The following FBXO38 variants were observed in gnomAD, a reference collection of about 807,000 sequenced individuals.
FBXO38 encodes F-box protein 38.
A neutral mutation model predicts 131.9 loss-of-function variants in FBXO38; 53 were observed. That is an observed-to-expected ratio of 0.40 (90% CI 0.32 to 0.51). The LOEUF (loss-of-function observed/expected upper bound fraction) is 0.51. Among genes scored for constraint, FBXO38 ranks in the 20% least tolerant of loss-of-function variants. FBXO38 has a pLI of 0.53. For synonymous variants in FBXO38, 452 were observed against 505.6 expected (o/e 0.89, Z 1.42); for missense variants, 1,076 against 1,475.6 (o/e 0.73, Z 4.44).
intron 12 of FBXO38, among the ~76,000 whole-genome samples, chr5:148,419,212 G>C (rs1400071499): frequency 6.6e-6 from 1 of 152,200 alleles, no homozygotes; most frequent in East Asian, 1.9e-4. Flanking sequence ...TTCAACAAGA[G>C]GAAGCCTAAG....
At chr5:148,435,184 G>C (rs1754273602) in intron 17 of FBXO38, 2 of 152,216 alleles carry the variant, frequency 1.3e-5, no homozygotes, top group African/African-American at 2.4e-5. Flanking sequence ...TTTGCTGGTG[G>C]AGAGTATTGC....
In FBXO38 at chr5:148,414,242, C is replaced by G. The variant is rs756636902; in HGVS notation, c.1200C>G (p.Ser400=). Residue 400 remains serine, a synonymous_variant, in exon 10 of 22, where the codon TCC becomes TCG. Coordinates refer to ENST00000340253, the MANE Select transcript of FBXO38 (RefSeq NM_205836.3). ...TGAAAGCAGTCAATGAAGTTTTTTC[C>G]TGTATCAAATATCTGGCAATTTACA... ...IGMKAVNEVF[S]CIKYLAIYNC... 10 of 1,612,564 alleles carry G rather than the reference C, an allele frequency of 6.2e-6. No homozygotes were observed. In the South Asian group the frequency reaches 1.1e-4, roughly 18 times the overall value.
rs372793702 is a variant in FBXO38 at position 148,394,703 on chromosome 5, T to A, written c.-63-11T>A. 1.9e-5 allele frequency: 26 copies of A among 1,398,158 alleles called. No homozygotes were observed. In the South Asian group the frequency reaches 4.4e-4, roughly 24 times the overall value. 86.6% of individuals were successfully genotyped at this position (1,398,158 alleles called of 1,614,324 possible). A position where few individuals can be genotyped will look rare whatever the true frequency, so the allele number is the denominator to read the frequency against. On this transcript the variant is annotated splice_polypyrimidine_tract_variant and intron_variant, in intron 1 of 21. Coordinates refer to ENST00000340253, the MANE Select transcript of FBXO38 (RefSeq NM_205836.3). ...GTTTTTTTAGTCTACTTCGTTCTGTTTGCTTTTCAGGTACTTTGAACTCAA... is the reference window on the plus strand; with the variant it reads ...GTTTTTTTAGTCTACTTCGTTCTGTATGCTTTTCAGGTACTTTGAACTCAA...
rs1420347326 is a variant in FBXO38 at position 148,427,274 on chromosome 5, G to A, written c.1980G>A (p.Ser660=). The change falls in exon 15 of 22, where the codon TCG becomes TCA. Residue 660 remains serine (S), a synonymous_variant. Coordinates refer to ENST00000340253, the MANE Select transcript of FBXO38 (RefSeq NM_205836.3). ...ACAACTCCCATCAGATGGGCCAGTC[G>A]AAGCAGTTTCCCCTCGAGGAAAGCA... ...KRYNSHQMGQ[S]KQFPLEESSC... is the part of the protein sequence containing the mutation. The A allele has an allele frequency of 1.2e-6, 2 of 1,614,108 alleles. No homozygotes were observed. The highest frequency in any genetic ancestry group is 1.7e-6 in the Non-Finnish European group (2 of 1,180,000).
intron 17 of FBXO38, among the ~76,000 whole-genome samples, chr5:148,435,719 G>A (rs933144242): frequency 1.2e-4 from 19 of 152,218 alleles, no homozygotes; most frequent in Admixed American, 6.5e-4. Context: ...GCAGTGAGCC[G>A]AGACTGCGCA....
rs2113558378 is a variant in FBXO38, at chr5:148,409,205, C to G, written c.950C>G (p.Thr317Ser). The G allele has an allele frequency of 6.3e-7, 1 of 1,598,338 alleles. No homozygotes were observed. The highest frequency in any genetic ancestry group is 1.3e-5 in the African/African-American group (1 of 74,682). The change falls in exon 8 of 22, where the codon ACT becomes AGT. Residue 317 changes from threonine (T) to serine (S), a missense_variant. Coordinates refer to ENST00000340253, the MANE Select transcript of FBXO38 (RefSeq NM_205836.3). ...LEVDLGYLII[T>S]AARRLHEVRI... Reference sequence around the variant, plus strand: ...GTAGATCTTGGTTACCTCATCATTACTGCTGCCCGTAGGTATGTTTCCTCT... The same window carrying G: ...GTAGATCTTGGTTACCTCATCATTAGTGCTGCCCGTAGGTATGTTTCCTCT...
rs919345966 is a variant in FBXO38 at position 148,442,200 on chromosome 5, A to C, written c.*53A>C. On this transcript the variant is annotated 3_prime_UTR_variant, in exon 22 of 22. Coordinates refer to ENST00000340253, the MANE Select transcript of FBXO38 (RefSeq NM_205836.3). The stretch of plus-strand genomic sequence containing the variant: ...TGTCAGAAAGCAAGTAGGGCCATCC[A>C]GCTGCCAGAGTGCTCCACAGGGACT... 6.4e-7 allele frequency: 1 copy of C among 1,558,352 alleles called. No homozygotes were observed. The highest frequency in any genetic ancestry group is 8.8e-7 in the Non-Finnish European group (1 of 1,137,722).
At chr5:148,386,541 A>G (rs1757922867) in intron 1 of FBXO38, among the ~76,000 whole-genome samples, 1 of 152,002 alleles carries the variant, frequency 6.6e-6, no homozygotes, top group Non-Finnish European at 1.5e-5. Context: ...AAAAATTGAG[A>G]ACTGTGTGAT....
intron 3 of FBXO38, 165 bp downstream of exon 3, chr5:148,399,297 C>A (rs902359133): frequency 2.9e-6 from 2 of 698,054 alleles, no homozygotes; most frequent in African/African-American, 1.8e-5. Flanking sequence ...TTGTAAAATG[C>A]GTTTTACCTG....
chr5:148,384,822 G>C (rs564593243), intron 1 of FBXO38: 1 of 152,304 alleles, frequency 6.6e-6, no homozygotes, highest in South Asian at 2.1e-4. Context: ...GCTCTGTCCA[G>C]AAAACTTTGT....
chr5:148,441,040 T>C lies in FBXO38; in HGVS notation c.3275-84T>C, dbSNP rs930805279. 3 of 888,446 alleles carry C rather than the reference T, an allele frequency of 3.4e-6. No homozygotes were observed. The African/African-American group carries it at 4.9e-5, about 15-fold the overall frequency. 55.0% of individuals were successfully genotyped at this position (888,446 alleles called of 1,614,324 possible). A position where few individuals can be genotyped will look rare whatever the true frequency, so the allele number is the denominator to read the frequency against. ...CTGACTCACTCTCTTTATTTTATAT[T>C]TTACATTCTGCTTACAAAATACTGC... On this transcript the variant is annotated intron_variant, in intron 20 of 21. Transcript: ENST00000340253.
intron 7 of FBXO38, 43 bp downstream of exon 7, chr5:148,406,437 C>T (rs748932829): frequency 8.4e-6 from 12 of 1,428,466 alleles, no homozygotes; most frequent in Non-Finnish European, 1.0e-5. Flanking sequence ...TAAAAATCAA[C>T]TTAAAATAAT....
Position 148,394,738 on chromosome 5 carries a change from A to G in FBXO38, c.-39A>G, listed in dbSNP as rs1758387815. ...GGTACTTTGAACTCAAGTAAACAAA[A>G]GGGAAGATTTTCTCGTTGATACTGG... On this transcript the variant is annotated 5_prime_UTR_variant, in exon 2 of 22. Coordinates refer to ENST00000340253, the MANE Select transcript of FBXO38 (RefSeq NM_205836.3). 2.7e-6 allele frequency: 4 copies of G among 1,481,060 alleles called. No individual in the cohort carries two copies. The highest frequency in any genetic ancestry group is 2.9e-5 in the African/African-American group (2 of 69,482). The allele number at this position is 1,481,060 out of a possible 1,614,324, so 91.7% of individuals were successfully genotyped here. A position where few individuals can be genotyped will look rare whatever the true frequency, so the allele number is the denominator to read the frequency against.
At chr5:148,409,945 C>T (rs545763651) in intron 8 of FBXO38, among the ~76,000 whole-genome samples, 14 of 152,318 alleles carry the variant, frequency 9.2e-5, no homozygotes, top group African/African-American at 3.4e-4. Context: ...GCACCAGATG[C>T]AGATTCTCAC....
At chr5:148,434,223 A>C (rs1754208633) in intron 17 of FBXO38, 2 of 119,360 alleles carry the variant, frequency 1.7e-5, no homozygotes, top group Non-Finnish European at 3.7e-5. Flanking sequence ...CTCATTGTTA[A>C]TCTCATCTGC....
In FBXO38 at chr5:148,401,981, G is replaced by A; in HGVS notation, c.263-1G>A. On this transcript the variant is annotated splice_acceptor_variant, in intron 3 of 21. Coordinates refer to ENST00000340253, the MANE Select transcript of FBXO38 (RefSeq NM_205836.3). LOFTEE classifies it high-confidence loss of function. Reference sequence around the variant, plus strand: ...GCTCTAAATACTTCTGAACTTCTCAGGCTTTACAGATGCCAGTTTTCTAAC... The same window carrying A: ...GCTCTAAATACTTCTGAACTTCTCAAGCTTTACAGATGCCAGTTTTCTAAC... 6.2e-7 allele frequency: 1 copy of A among 1,604,660 alleles called. No homozygotes were observed. Among genetic ancestry groups the A allele is most frequent in the Non-Finnish European group, 8.5e-7 (1 of 1,172,626 alleles).
At chr5:148,396,570 G>A (rs1758491638) in intron 2 of FBXO38, among the ~76,000 whole-genome samples, 1 of 152,112 alleles carries the variant, frequency 6.6e-6, no homozygotes, top group South Asian at 2.1e-4. Context: ...GAACACATAG[G>A]TAAAATTGCA....
At chr5:148,404,315 A>G (rs1030758064) in intron 5 of FBXO38, among the ~76,000 whole-genome samples, 7 of 152,124 alleles carry the variant, frequency 4.6e-5, no homozygotes, top group Non-Finnish European at 7.4e-5. Context: ...TGTGTGTTCC[A>G]TCTCCATCGT....
intron 1 of FBXO38, among the ~76,000 whole-genome samples, chr5:148,386,370 T>C (rs1757915065): frequency 6.6e-6 from 1 of 152,130 alleles, no homozygotes; most frequent in Non-Finnish European, 1.5e-5. Flanking sequence ...CCTTATCCTC[T>C]CTGGTTCTGT....
Sources: gnomAD v4.1 joint callset for allele counts (sites outside exome capture counted in the v4.1 genomes callset) on GRCh38, gnomAD v4.1.1 for gene constraint, MANE v1.5 for transcripts, NCBI Gene and HGNC (gene_info 2026-07-23, HGNC 2026-07-21) for gene names.